The following GAS7 variants were observed in gnomAD, a reference collection of about 807,000 sequenced individuals.
GAS7 encodes the protein growth arrest specific 7, also known as growth arrest-specific protein 7.
A neutral mutation model predicts 71.1 loss-of-function variants in GAS7; 28 were observed. The observed-to-expected ratio is 0.39, with a 90% confidence interval of 0.29 to 0.54. The LOEUF is 0.54. Ranked by LOEUF, GAS7 falls within the 20% of genes least tolerant of loss-of-function variation. The probability of loss-of-function intolerance (pLI) is 0.62; values close to 1 mark genes in which losing one functional copy is unlikely to be tolerated. For missense variants in GAS7, 436 were observed against 627.8 expected (o/e 0.69, Z 3.27); for synonymous variants, 258 against 245.8 (o/e 1.05, Z -0.46).
At chr17:9,954,657 G>A (rs186603326) in intron 5 of GAS7, among the ~76,000 whole-genome samples, 1 of 152,128 alleles carries the variant, frequency 6.6e-6, no homozygotes, top group African/African-American at 2.4e-5. Context: ...GACATTTTTG[G>A]TTGTCACAGC....
chr17:10,132,969 G>T (rs986163657), intron 1 of GAS7, among the ~76,000 whole-genome samples: 11 of 151,628 alleles, frequency 7.3e-5, no homozygotes, highest in Admixed American at 6.6e-4. Context: ...TTCCTCCCAA[G>T]CCCCTCTGAC....
intron 1 of GAS7, among the ~76,000 whole-genome samples, chr17:10,044,807 C>G (rs557979349): frequency 6.6e-6 from 1 of 152,242 alleles, no homozygotes; most frequent in East Asian, 1.9e-4. Context: ...GTAATCCCAG[C>G]ACTTTGGGAG....
chr17:10,085,307 G>A (rs2073505074), intron 1 of GAS7, among the ~76,000 whole-genome samples: 1 of 152,122 alleles, frequency 6.6e-6, no homozygotes, highest in Non-Finnish European at 1.5e-5. Context: ...CTGTCCTTGG[G>A]AGTGTCAGCC....
At chr17:10,036,604 C>T in intron 1 of GAS7, 1 of 1,471,678 alleles carries the variant, frequency 6.8e-7, no homozygotes. Context: ...GTGTTCTGGG[C>T]ACCCCAGCGG....
At chr17:10,040,981 G>A (rs781638027) in intron 1 of GAS7, among the ~76,000 whole-genome samples, 1 of 152,008 alleles carries the variant, frequency 6.6e-6, no homozygotes, top group Non-Finnish European at 1.5e-5. Context: ...GGCCAACATG[G>A]CAAAACCCCA....
intron 1 of GAS7, among the ~76,000 whole-genome samples, chr17:10,082,264 C>T (rs1461807589): frequency 6.6e-6 from 1 of 152,076 alleles, no homozygotes; most frequent in Non-Finnish European, 1.5e-5. Context: ...ACAGTGGTTG[C>T]CTCCAGGAAG....
chr17:10,067,601 A>G (rs1264391831), intron 1 of GAS7, among the ~76,000 whole-genome samples: 1 of 152,138 alleles, frequency 6.6e-6, no homozygotes, highest in Non-Finnish European at 1.5e-5. Flanking sequence ...CTAGGGGGTA[A>G]TCAGAAGGAA....
At chr17:10,133,366 G>A (rs1394068876) in intron 1 of GAS7, among the ~76,000 whole-genome samples, 4 of 152,080 alleles carry the variant, frequency 2.6e-5, no homozygotes, top group African/African-American at 9.6e-5. Context: ...CAAGTGATCT[G>A]CCTGCCTCGG....
chr17:10,052,605 G>T lies in GAS7; in HGVS notation c.184-32708C>A, dbSNP rs973291318. Among the ~76,000 whole-genome samples, 9 of 152,190 alleles carry T rather than the reference G, an allele frequency of 5.9e-5. No individual in the cohort carries two copies. The East Asian group carries it at 1.7e-3, about 29-fold the overall frequency. Reference sequence around the variant, plus strand: ...CTGGGAGTCCCAGAAGGCACCCCCTGCCCACCCATGCAAAGCAAGTAAGCG... The same window carrying T: ...CTGGGAGTCCCAGAAGGCACCCCCTTCCCACCCATGCAAAGCAAGTAAGCG... On this transcript the variant is annotated intron_variant, in intron 1 of 13. Coordinates refer to ENST00000432992, the MANE Select transcript of GAS7 (RefSeq NM_201433.2).
chr17:10,177,786 A>G (rs1489430679), intron 1 of GAS7, among the ~76,000 whole-genome samples: 1 of 152,308 alleles, frequency 6.6e-6, no homozygotes, highest in Non-Finnish European at 1.5e-5. Flanking sequence ...ATATATATAT[A>G]GTCTTGATGA....
chr17:10,012,912 CT>C (rs1198010371), intron 2 of GAS7, among the ~76,000 whole-genome samples: 1 of 151,742 alleles, frequency 6.6e-6, no homozygotes, highest in Non-Finnish European at 1.5e-5. Flanking sequence ...ACCATCCTGG[CT>C]AACACTGTGA....
intron 2 of GAS7, among the ~76,000 whole-genome samples, chr17:10,011,179 C>G (rs1305001503): frequency 1.3e-5 from 2 of 152,230 alleles, no homozygotes; most frequent in Non-Finnish European, 2.9e-5. Flanking sequence ...CCTAGGGACA[C>G]AGGCACTGGA....
chr17:9,968,685 G>A (rs571064406), intron 4 of GAS7, among the ~76,000 whole-genome samples: 124 of 152,304 alleles, frequency 8.1e-4, no homozygotes, highest in African/African-American at 2.9e-3. Flanking sequence ...CTCAGATGCA[G>A]ACAGAACCAT....
At chr17:10,100,132 C>T (rs912889155) in intron 1 of GAS7, among the ~76,000 whole-genome samples, 1 of 152,170 alleles carries the variant, frequency 6.6e-6, no homozygotes, top group Non-Finnish European at 1.5e-5. Flanking sequence ...TGGAATTATT[C>T]GGATTTAAAA....
chr17:10,169,859 T>C (rs984798972), intron 1 of GAS7, among the ~76,000 whole-genome samples: 6 of 152,178 alleles, frequency 3.9e-5, no homozygotes, highest in Non-Finnish European at 5.9e-5. Flanking sequence ...CTTGAACATA[T>C]ATAGGAATCT....
rs73974332 is a variant in GAS7, at chr17:9,912,813, C to T, written c.*4415G>A. 9,402 of 232,310 alleles carry T rather than the reference C, an allele frequency of 0.04. 321 individuals are homozygous for T. The highest frequency in any genetic ancestry group is 0.11 in the African/African-American group (5,056 of 45,348). 14.4% of individuals were successfully genotyped at this position (232,310 alleles called of 1,614,324 possible). ...GACCCTGGGCCAAGAACTTCCAGGGCGAAAGGCTCAGTGTAAAAATAAAGA... is the reference window on the plus strand; with the variant it reads ...GACCCTGGGCCAAGAACTTCCAGGGTGAAAGGCTCAGTGTAAAAATAAAGA... On this transcript the variant is annotated 3_prime_UTR_variant, in exon 14 of 14. Coordinates refer to ENST00000432992, the MANE Select transcript of GAS7 (RefSeq NM_201433.2).
chr17:9,930,384 T>C (rs989702931), intron 9 of GAS7, among the ~76,000 whole-genome samples: 3 of 152,310 alleles, frequency 2.0e-5, no homozygotes, highest in Admixed American at 6.5e-5. Context: ...GCTAAGTGAC[T>C]TGCTCAAGGT....
At chr17:10,149,185 CT>C (rs1260836652) in intron 1 of GAS7, among the ~76,000 whole-genome samples, 2 of 151,892 alleles carry the variant, frequency 1.3e-5, no homozygotes, top group African/African-American at 2.4e-5. Flanking sequence ...TCACTTCAAC[CT>C]TCATCTCCTG....
At chr17:10,160,774 G>A (rs911430241) in intron 1 of GAS7, among the ~76,000 whole-genome samples, 2 of 152,132 alleles carry the variant, frequency 1.3e-5, no homozygotes, top group Admixed American at 6.6e-5. Flanking sequence ...GCTTCACACA[G>A]GCAAAATCAT....
Sources: gnomAD v4.1 joint callset for allele counts (sites outside exome capture counted in the v4.1 genomes callset) on GRCh38, gnomAD v4.1.1 for gene constraint, MANE v1.5 for transcripts, NCBI Gene and HGNC (gene_info 2026-07-23, HGNC 2026-07-21) for gene names.